Variants in KIF13B observed in about 807,000 individuals in gnomAD.
KIF13B encodes the protein kinesin-like protein KIF13B.
KIF13B carries 127 observed loss-of-function variants against 222.0 expected under a neutral mutation model. The ratio of observed to expected loss-of-function variants is 0.57; its 90% confidence interval spans 0.50 to 0.66. The LOEUF (loss-of-function observed/expected upper bound fraction) is 0.66. KIF13B is among the 30% of genes least tolerant of loss of function. The pLI is 0.00. For synonymous variants in KIF13B, 976 were observed against 919.0 expected (o/e 1.06, Z -1.12); for missense variants, 2,173 against 2,379.0 (o/e 0.91, Z 1.80).
intron 29 of KIF13B, among the ~76,000 whole-genome samples, chr8:29,119,237 T>C (rs1216290374): frequency 6.6e-6 from 1 of 152,180 alleles, no homozygotes; most frequent in Non-Finnish European, 1.5e-5. Context: ...GGAAGGCAAA[T>C]GAAACCAAGA....
At chr8:29,129,522 C>G (rs1045433814) in intron 24 of KIF13B, among the ~76,000 whole-genome samples, 1 of 152,134 alleles carries the variant, frequency 6.6e-6, no homozygotes, top group Non-Finnish European at 1.5e-5. Context: ...CTTTAATTTT[C>G]TCTATTTTGC....
At chr8:29,250,223 A>G (rs1816221370) in intron 1 of KIF13B, 2 of 359,760 alleles carry the variant, frequency 5.6e-6, no homozygotes, top group Non-Finnish European at 1.1e-5. Flanking sequence ...CATACAGAAT[A>G]CATCTAGAAC....
chr8:29,070,737 G>A lies in KIF13B; in HGVS notation c.5248C>T (p.Gln1750Ter). ...TAGCCAGGGTTACACCTGAAGTACT[G>A]CTTCCCGCCGATGGAACCGTCATTC... ...GKNDGSIGGK[Q>*]YFRCNPGYGL... Residue 1750 changes from glutamine to a stop codon, truncating the protein, a stop_gained, in exon 40 of 40, where the codon CAG (glutamine) becomes TAG (stop). Coordinates refer to ENST00000524189, the MANE Select transcript of KIF13B (RefSeq NM_015254.4). LOFTEE classifies it high-confidence loss of function. The surrounding 1 kb of genome is among the most constrained non-coding windows in gnomAD (Gnocchi z 4.1). The A allele has an allele frequency of 1.3e-6, 2 of 1,564,788 alleles. No individual in the cohort carries two copies. The highest frequency in any genetic ancestry group is 8.7e-7 in the Non-Finnish European group (1 of 1,155,194).
intron 37 of KIF13B, among the ~76,000 whole-genome samples, chr8:29,084,384 T>C (rs1807948996): frequency 1.3e-5 from 2 of 152,218 alleles, no homozygotes; most frequent in Non-Finnish European, 1.5e-5. Flanking sequence ...TAAGGAAGAA[T>C]CACAGTAATG....
chr8:29,197,969 C>A (rs1193760198), intron 2 of KIF13B, among the ~76,000 whole-genome samples: 1 of 152,202 alleles, frequency 6.6e-6, no homozygotes, highest in East Asian at 1.9e-4. Context: ...GGCCTGAAAC[C>A]TGAAAGGAAA....
At chr8:29,086,245 T>C (rs1405524195) in intron 37 of KIF13B, among the ~76,000 whole-genome samples, 1 of 152,196 alleles carries the variant, frequency 6.6e-6, no homozygotes, top group African/African-American at 2.4e-5. Flanking sequence ...TTAGATAGGA[T>C]AGTGTGAGTT....
chr8:29,092,977 A>G (rs1326675302), intron 36 of KIF13B, 99 bp from the exon 37 acceptor site: 13 of 1,144,264 alleles, frequency 1.1e-5, no homozygotes, highest in East Asian at 2.7e-5. Context: ...CAAATCTAAC[A>G]AAAACCAAAG....
At chr8:29,134,428 T>G (rs1810473805) in intron 21 of KIF13B, among the ~76,000 whole-genome samples, 1 of 152,220 alleles carries the variant, frequency 6.6e-6, no homozygotes, top group African/African-American at 2.4e-5. Flanking sequence ...ACAAGGACCT[T>G]GACTACAGAG....
At position 29,134,070 on chromosome 8, in the gene KIF13B, C is replaced by A. The variant is rs768939426; in HGVS notation, c.2754G>T (p.Pro918=). The A allele has an allele frequency of 3.1e-6, 5 of 1,613,938 alleles. No individual in the cohort carries two copies. The highest frequency in any genetic ancestry group is 2.2e-5 in the South Asian group (2 of 91,076). Residue 918 remains proline, a synonymous_variant, in exon 22 of 40, where the codon CCG becomes CCT. Coordinates refer to ENST00000524189, the MANE Select transcript of KIF13B (RefSeq NM_015254.4). ...AATGATCAAAGACAACCATGCAGTG[C>A]GGCTCCTTGCTGACGGAAGAGGAGG... ...DTSSSSVSKE[P]HCMVVFDHCN...
chr8:29,134,965 G>A (rs1810494251), intron 21 of KIF13B, among the ~76,000 whole-genome samples: 1 of 152,186 alleles, frequency 6.6e-6, no homozygotes, highest in African/African-American at 2.4e-5. Flanking sequence ...TGTCTAATCA[G>A]ACCCAAAGGC....
intron 6 of KIF13B, among the ~76,000 whole-genome samples, chr8:29,182,832 CATA>C (rs1812767883): frequency 6.6e-6 from 1 of 151,970 alleles, no homozygotes. Context: ...TAGTCAGCAA[CATA>C]ATGTGTATTT....
At chr8:29,197,361 A>AAAAAAAT (rs1813486729) in intron 2 of KIF13B, among the ~76,000 whole-genome samples, 1 of 135,310 alleles carries the variant, frequency 7.4e-6, no homozygotes, top group African/African-American at 2.7e-5. Flanking sequence ...AAAAAAAAAA[A>AAAAAAAT]CTCAATATAT....
Position 29,262,876 on chromosome 8 carries a change from G to A in KIF13B, c.55+104C>T, listed in dbSNP as rs1816738367. 10 of 894,670 alleles carry A rather than the reference G, an allele frequency of 1.1e-5. No individual in the cohort carries two copies. In the South Asian group the frequency reaches 1.8e-4, roughly 16 times the overall value. 55.4% of individuals were successfully genotyped at this position (894,670 alleles called of 1,614,324 possible). A position where few individuals can be genotyped will look rare whatever the true frequency, so the allele number is the denominator to read the frequency against. ...GGGCCCCTCCTCGCGCCCCGCCGCTGACTATAGGGGCGGGGCCGCCGGACC... is the reference window on the plus strand; with the variant it reads ...GGGCCCCTCCTCGCGCCCCGCCGCTAACTATAGGGGCGGGGCCGCCGGACC... On this transcript the variant is annotated intron_variant, in intron 1 of 39. Transcript: ENST00000524189.
intron 26 of KIF13B, 46 bp downstream of exon 26, chr8:29,126,436 C>T (rs1049441386): frequency 9.5e-6 from 12 of 1,269,008 alleles, no homozygotes; most frequent in Admixed American, 7.7e-5. Flanking sequence ...TAATTATATA[C>T]TTTAATCATG....
At chr8:29,141,854 A>T (rs925239133) in intron 19 of KIF13B, among the ~76,000 whole-genome samples, 1 of 152,202 alleles carries the variant, frequency 6.6e-6, no homozygotes, top group Non-Finnish European at 1.5e-5. Context: ...CCTCTGTCCT[A>T]AAGAGGTTCC....
intron 29 of KIF13B, among the ~76,000 whole-genome samples, chr8:29,119,288 G>A (rs1220002735): frequency 3.3e-5 from 5 of 152,194 alleles, no homozygotes; most frequent in Non-Finnish European, 7.3e-5. Context: ...CAATGTCAGT[G>A]ACCGGGTTAT....
intron 2 of KIF13B, among the ~76,000 whole-genome samples, chr8:29,213,613 TGGAGGCAACTGTAACA>T (rs1348405692): frequency 2.0e-5 from 3 of 152,194 alleles, no homozygotes; most frequent in African/African-American, 7.2e-5. Flanking sequence ...TGGCATTTCC[TGGAGGCAACTGTAACA>T]CAATAGTAGG....
intron 35 of KIF13B, among the ~76,000 whole-genome samples, chr8:29,103,590 C>T (rs1808903133): frequency 6.6e-6 from 1 of 152,080 alleles, no homozygotes; most frequent in African/African-American, 2.4e-5. Flanking sequence ...GTGAATTTCG[C>T]ATTTGGAATA....
intron 35 of KIF13B, among the ~76,000 whole-genome samples, chr8:29,106,371 C>A (rs1475628726): frequency 9.2e-5 from 14 of 152,182 alleles, no homozygotes; most frequent in Non-Finnish European, 1.5e-5. Context: ...GTGGCTTATG[C>A]CTGTAATCCC....
Sources: gnomAD v4.1 joint callset for allele counts (sites outside exome capture counted in the v4.1 genomes callset) on GRCh38, gnomAD v4.1.1 for gene constraint, Gnocchi (gnomAD v3.1) non-coding constraint, MANE v1.5 for transcripts, NCBI Gene and HGNC (gene_info 2026-07-23, HGNC 2026-07-21) for gene names.